ACTR3C: variants seen among roughly 807,000 people sequenced by gnomAD.
The protein encoded by ACTR3C is actin-related protein 3C.
A neutral mutation model predicts 26.3 loss-of-function variants in ACTR3C; 18 were observed. That is an observed-to-expected ratio of 0.68 (90% CI 0.47 to 1.01). The LOEUF is 1.01. ACTR3C is among the 50% of genes least tolerant of loss of function. The pLI is 0.00. For synonymous variants in ACTR3C, 55 were observed against 94.5 expected, an observed-to-expected ratio of 0.58 and a Z score of 2.42; for missense variants, 184 against 250.7, an observed-to-expected ratio of 0.73 and a Z score of 1.80.
At chr7:150,267,555 C>T (rs995336833) in intron 6 of ACTR3C, among the ~76,000 whole-genome samples, 2 of 152,188 alleles carry the variant, frequency 1.3e-5, no homozygotes, top group Non-Finnish European at 1.5e-5. Flanking sequence ...TTAATAATAG[C>T]CCCACAGCAC....
chr7:150,196,897 G>A, the ACTR3C span, among the ~76,000 whole-genome samples: 3 of 152,224 alleles, frequency 2.0e-5, no homozygotes, highest in African/African-American at 7.2e-5. Context: ...TTTGGTCTTG[G>A]GAGTGTGGCT....
chr7:150,268,096 T>A (rs1180615200), intron 6 of ACTR3C, among the ~76,000 whole-genome samples: 1 of 151,982 alleles, frequency 6.6e-6, no homozygotes, highest in Non-Finnish European at 1.5e-5. Flanking sequence ...ATCGGGGACT[T>A]AAATGAGAAG....
the ACTR3C span, among the ~76,000 whole-genome samples, chr7:150,149,641 CT>C: frequency 2.6e-5 from 4 of 151,924 alleles, no homozygotes; most frequent in Non-Finnish European, 5.9e-5. Context: ...TGGTTTCCAG[CT>C]TCATCCATGT....
the ACTR3C span, among the ~76,000 whole-genome samples, chr7:150,015,664 C>T: frequency 4.6e-5 from 7 of 152,096 alleles, no homozygotes; most frequent in African/African-American, 7.3e-5. Context: ...ACGCTCTTGA[C>T]GTCCCTTGAT....
the ACTR3C span, among the ~76,000 whole-genome samples, chr7:149,957,244 G>T: frequency 6.6e-6 from 1 of 152,028 alleles, no homozygotes; most frequent in African/African-American, 2.4e-5. Flanking sequence ...TCATTCAGAA[G>T]GTGTGGTGCC....
chr7:149,908,660 ACTTAT>A, the ACTR3C span, among the ~76,000 whole-genome samples: 1 of 152,132 alleles, frequency 6.6e-6, no homozygotes, highest in Non-Finnish European at 1.5e-5. Flanking sequence ...TAAAATCACA[ACTTAT>A]CTTATTAGAG....
At chr7:149,940,645 C>T in the ACTR3C span, among the ~76,000 whole-genome samples, 5 of 151,040 alleles carry the variant, frequency 3.3e-5, no homozygotes, top group African/African-American at 9.7e-5. Context: ...TGTTCTGGGA[C>T]CCAGTCTCAC....
the ACTR3C span, among the ~76,000 whole-genome samples, chr7:149,991,023 G>C: frequency 1.3e-5 from 2 of 152,130 alleles, no homozygotes; most frequent in African/African-American, 4.8e-5. Context: ...ACCCAAGACT[G>C]GGTAATTTAT....
the ACTR3C span, among the ~76,000 whole-genome samples, chr7:150,205,249 A>G: frequency 6.6e-6 from 1 of 152,218 alleles, no homozygotes; most frequent in Non-Finnish European, 1.5e-5. Flanking sequence ...ATATAACACA[A>G]GTGAATTCAT....
the ACTR3C span, among the ~76,000 whole-genome samples, chr7:150,017,422 C>T: frequency 7.1e-6 from 1 of 140,124 alleles, no homozygotes; most frequent in Non-Finnish European, 1.5e-5. Context: ...TTCTCCAGGT[C>T]TTATGTTTGC....
At chr7:150,097,240 A>C in the ACTR3C span, among the ~76,000 whole-genome samples, 2 of 151,760 alleles carry the variant, frequency 1.3e-5, 1 homozygote, top group Non-Finnish European at 2.9e-5. Flanking sequence ...GCTTTTATCA[A>C]ATGACTATTG....
the ACTR3C span, among the ~76,000 whole-genome samples, chr7:150,043,160 AT>A: frequency 6.7e-6 from 1 of 149,998 alleles, no homozygotes; most frequent in Non-Finnish European, 1.5e-5. Flanking sequence ...CCCATGTCTT[AT>A]TGTAAATCCC....
chr7:150,011,338 G>A, the ACTR3C span, among the ~76,000 whole-genome samples: 1 of 151,878 alleles, frequency 6.6e-6, no homozygotes, highest in Admixed American at 6.6e-5. Context: ...TGTAATCTCA[G>A]CACTTTGGGA....
the ACTR3C span, among the ~76,000 whole-genome samples, chr7:150,098,449 C>T: frequency 7.3e-4 from 109 of 149,588 alleles, no homozygotes; most frequent in African/African-American, 1.7e-3. Flanking sequence ...CCGTAGGATA[C>T]AAAAATACGC....
At chr7:150,129,093 C>T in the ACTR3C span, among the ~76,000 whole-genome samples, 9 of 151,368 alleles carry the variant, frequency 5.9e-5, no homozygotes, top group Non-Finnish European at 1.0e-4. Context: ...ACCTTTAGCT[C>T]AATACTTATC....
the ACTR3C span, among the ~76,000 whole-genome samples, chr7:149,947,004 G>A: frequency 6.6e-6 from 1 of 151,380 alleles, no homozygotes; most frequent in African/African-American, 2.5e-5. Context: ...CTTTCCCGGT[G>A]GTCTGAGCTG....
At chr7:150,223,906 C>T in the ACTR3C span, among the ~76,000 whole-genome samples, 1 of 152,184 alleles carries the variant, frequency 6.6e-6, no homozygotes, top group Non-Finnish European at 1.5e-5. Context: ...GAAGGATCTG[C>T]TTCTAAGTTA....
chr7:150,298,339 G>A (rs2429325), intron 1 of ACTR3C, among the ~76,000 whole-genome samples: 6 of 148,172 alleles, frequency 4.0e-5, no homozygotes, highest in African/African-American at 1.5e-4. Context: ...CATAAATAAA[G>A]TACATTAAAA....
At chr7:149,899,065 C>A in the ACTR3C span, among the ~76,000 whole-genome samples, 3 of 151,484 alleles carry the variant, frequency 2.0e-5, no homozygotes. Flanking sequence ...CAACTTTGAC[C>A]CCCACACTGG....
Sources: allele counts gnomAD v4.1 joint callset (sites outside exome capture counted in the v4.1 genomes callset), GRCh38; gene constraint gnomAD v4.1.1; transcripts MANE v1.5; gene names NCBI Gene and HGNC (gene_info 2026-07-23, HGNC 2026-07-21).